Variants in CHD1L observed in about 807,000 individuals in gnomAD.
CHD1L encodes the protein ATP-dependent chromatin remodeler CHD1L.
CHD1L carries 118 observed loss-of-function variants against 115.9 expected under a neutral mutation model. The ratio of observed to expected loss-of-function variants is 1.02; its 90% CI spans 0.88 to 1.19. CHD1L has a LOEUF of 1.19. Among genes scored for constraint, CHD1L ranks in the 50% most tolerant of loss-of-function variants. The pLI is 0.00. For synonymous variants in CHD1L, 411 were observed against 387.1 expected, an observed-to-expected ratio of 1.06 and a Z score of -0.72; for missense variants, 1,179 against 1,065.3, an observed-to-expected ratio of 1.11 and a Z score of -1.49.
At chr1:147,294,607 A>G in intron 22 of CHD1L, 90 bp downstream of exon 22, 1 of 959,262 alleles carries the variant, frequency 1.0e-6, no homozygotes, top group Non-Finnish European at 1.6e-6. Flanking sequence ...TCCAAGACCA[A>G]GTTTCTTCCT....
At chr1:147,183,982 A>C in the CHD1L span, among the ~76,000 whole-genome samples, 9 of 152,202 alleles carry the variant, frequency 5.9e-5, no homozygotes, top group Admixed American at 1.3e-4. Flanking sequence ...GAAGTTGTGT[A>C]TTTTGACTTT....
At chr1:147,247,447 C>A (rs1666972856) in intron 1 of CHD1L, among the ~76,000 whole-genome samples, 1 of 152,078 alleles carries the variant, frequency 6.6e-6, no homozygotes, top group Non-Finnish European at 1.5e-5. Context: ...AGCCTGGCAT[C>A]CCCCACGCCT....
chr1:147,259,985 A>G, intron 6 of CHD1L, 67 bp downstream of exon 6: 1 of 1,240,070 alleles, frequency 8.1e-7, no homozygotes, highest in Non-Finnish European at 1.1e-6. Flanking sequence ...TATATTTTAG[A>G]GTAATTTTAG....
Position 147,254,782 on chromosome 1 carries a change from G to T in CHD1L, c.241-88G>T. 1.3e-5 allele frequency: 10 copies of T among 776,020 alleles called. No homozygotes were observed. The South Asian group carries it at 2.0e-4, about 15-fold the overall frequency. The allele number at this position is 776,020 out of a possible 1,614,324, so 48.1% of individuals were successfully genotyped here. On this transcript the variant is annotated intron_variant, in intron 2 of 22. Coordinates refer to ENST00000369258, the MANE Select transcript of CHD1L (RefSeq NM_004284.6). ...TGTAAAACAAGTCTTAAACAAGAGT[G>T]TGTGTTCCCTACAGGGTTGTGGGAA...
At chr1:147,208,809 G>C in the CHD1L span, 1 of 1,525,168 alleles carries the variant, frequency 6.6e-7, no homozygotes, top group Non-Finnish European at 9.1e-7. Flanking sequence ...CCTTATTCTT[G>C]TGCTTTGGCC....
At chr1:147,204,383 C>CAAT in the CHD1L span, 1 of 1,063,582 alleles carries the variant, frequency 9.4e-7, no homozygotes, top group Admixed American at 1.7e-5. Flanking sequence ...CATGCCTGAA[C>CAAT]AATAAGCTTG....
At position 147,275,404 on chromosome 1, in the gene CHD1L, A is replaced by G. The variant is rs781814757; in HGVS notation, c.1321A>G (p.Ser441Gly). Reference protein sequence around the residue: ...TAADTVIFVDSDFNPQNDLQA... With the variant: ...TAADTVIFVDGDFNPQNDLQA... ...AGCAGATACTGTGATTTTTGTTGACAGTGACTTTAATCCTCAGAATGACTT... is the reference window on the plus strand; with the variant it reads ...AGCAGATACTGTGATTTTTGTTGACGGTGACTTTAATCCTCAGAATGACTT... The change falls in exon 13 of 23, where the codon AGT (serine) becomes GGT (glycine). Residue 441 changes from serine to glycine, a missense_variant. Physicochemically the swap from Ser to Gly is moderately conservative, Grantham distance 56. Coordinates refer to ENST00000369258, the MANE Select transcript of CHD1L (RefSeq NM_004284.6). The G allele has an allele frequency of 6.2e-7, 1 of 1,614,142 alleles. No individual in the cohort carries two copies. Among genetic ancestry groups the G allele is most frequent in the Admixed American group, 1.7e-5 (1 of 60,024 alleles).
intron 20 of CHD1L, among the ~76,000 whole-genome samples, 161 bp from the exon 21 acceptor site, chr1:147,293,447 T>C (rs989122051): frequency 1.3e-5 from 2 of 152,156 alleles, no homozygotes. Flanking sequence ...GGATATGAAG[T>C]CATACATATA....
the CHD1L span, among the ~76,000 whole-genome samples, chr1:147,196,803 C>G: frequency 6.6e-6 from 1 of 152,058 alleles, no homozygotes; most frequent in Non-Finnish European, 1.5e-5. Context: ...TGAACAGATT[C>G]TTTTCTGTCT....
chr1:147,180,301 G>GTT, the CHD1L span, among the ~76,000 whole-genome samples: 84 of 150,870 alleles, frequency 5.6e-4, 1 homozygote, highest in South Asian at 0.015. Context: ...TGGTTTTTGT[G>GTT]TTTTTTTTTG....
At chr1:147,260,352 T>G (rs1671515867) in intron 6 of CHD1L, 1 of 153,150 alleles carries the variant, frequency 6.5e-6, no homozygotes, top group South Asian at 2.0e-4. Context: ...AATACTAGTT[T>G]AGGCCTATAT....
chr1:147,255,683 A>G, intron 3 of CHD1L, 130 bp from the exon 4 acceptor site: 2 of 564,474 alleles, frequency 3.5e-6, no homozygotes, highest in South Asian at 3.1e-5. Context: ...CAGAGCCCCA[A>G]GACTCTGGTT....
At chr1:147,199,835 TC>T in the CHD1L span, among the ~76,000 whole-genome samples, 1 of 152,206 alleles carries the variant, frequency 6.6e-6, no homozygotes, top group Non-Finnish European at 1.5e-5. Flanking sequence ...TACCATTGGT[TC>T]TTTTTTTCTC....
chr1:147,178,410 A>C, the CHD1L span: 7 of 1,611,224 alleles, frequency 4.3e-6, no homozygotes, highest in East Asian at 1.6e-4. Context: ...GAGTCAGTGG[A>C]TATCCAACCC....
At chr1:147,176,887 T>A in the CHD1L span, among the ~76,000 whole-genome samples, 1 of 152,062 alleles carries the variant, frequency 6.6e-6, no homozygotes, top group Non-Finnish European at 1.5e-5. Context: ...TGGGTTACGG[T>A]AGGAGGCATC....
chr1:147,178,154 T>C, the CHD1L span: 1 of 1,608,942 alleles, frequency 6.2e-7, no homozygotes, highest in South Asian at 1.1e-5. Flanking sequence ...GGCGTGGCGC[T>C]GCTTCTCGCC....
the CHD1L span, chr1:147,190,233 G>C: frequency 4.3e-6 from 7 of 1,609,682 alleles, 1 homozygote; most frequent in South Asian, 6.6e-5. Context: ...CACTCTGTGA[G>C]GGCAATGTCT....
rs1386652451 is a variant in CHD1L, at chr1:147,270,994, T to C, written c.1148T>C (p.Met383Thr). The stretch of plus-strand genomic sequence containing the variant: ...ATGTTGGATATTCTCCAAGACTATA[T>C]GGATTACAGAGGTGACACCTTTTGG... ...TQMLDILQDY[M>T]DYRGYSYERV... The change falls in exon 11 of 23, where the codon ATG (methionine) becomes ACG (threonine). Residue 383 changes from methionine to threonine, a missense_variant. Met to Thr is a moderately conservative substitution (Grantham distance 81). Coordinates refer to ENST00000369258, the MANE Select transcript of CHD1L (RefSeq NM_004284.6). The C allele has an allele frequency of 1.2e-5, 19 of 1,613,846 alleles. No individual in the cohort carries two copies. The highest frequency in any genetic ancestry group is 2.7e-5 in the African/African-American group (2 of 74,916).
chr1:147,208,439 C>CTTTTTTTTTTTTTT, the CHD1L span: 1 of 19,602 alleles, frequency 5.1e-5, no homozygotes, highest in Non-Finnish European at 8.9e-5. Context: ...CTTTTCTTTT[C>CTTTTTTTTTTTTTT]TTTTCTTTTT....
Sources: allele counts gnomAD v4.1 joint callset (sites outside exome capture counted in the v4.1 genomes callset), GRCh38; gene constraint gnomAD v4.1.1; transcripts MANE v1.5; gene names NCBI Gene and HGNC (gene_info 2026-07-23, HGNC 2026-07-21).